IL13RA1: variants seen among roughly 807,000 people sequenced by gnomAD.
IL13RA1 encodes interleukin 13 receptor subunit alpha 1, also known as interleukin-13 receptor subunit alpha-1.
Under a neutral mutation model 33.8 loss-of-function variants are expected in IL13RA1, and 14 were observed. That is an observed-to-expected ratio of 0.41 (90% CI 0.27 to 0.65). The LOEUF is 0.65. Among genes scored for constraint, IL13RA1 ranks in the 30% least tolerant of loss-of-function variants. IL13RA1 has a pLI of 0.28. For missense variants in IL13RA1, 313 were observed against 327.0 expected (o/e 0.96, Z 0.33); for synonymous variants, 116 against 115.7 (o/e 1.00, Z -0.02).
chrX:118,795,647 G>A (rs1354372037), downstream of IL13RA1, among the ~76,000 whole-genome samples: 5 of 112,189 alleles, frequency 4.5e-5, no homozygotes, highest in African/African-American at 1.6e-4. Context: ...ATTTGTGTGA[G>A]ATCTATGGAA....
At chrX:118,801,088 C>G in the IL13RA1 span, among the ~76,000 whole-genome samples, 515 of 112,572 alleles carry the variant, frequency 4.6e-3, 5 homozygotes, top group African/African-American at 0.016. Context: ...TTGCTCCCAG[C>G]CAAGATGATT....
intron 1 of IL13RA1, among the ~76,000 whole-genome samples, chrX:118,739,080 G>C (rs111432564): frequency 1.7e-4 from 19 of 112,093 alleles, no homozygotes; most frequent in Admixed American, 5.7e-4. Flanking sequence ...GAACCACTGT[G>C]CCTGGCCTAT....
At chrX:118,737,603 T>G (rs777594750) in intron 1 of IL13RA1, among the ~76,000 whole-genome samples, 69 of 111,988 alleles carry the variant, frequency 6.2e-4, no homozygotes, top group African/African-American at 2.0e-3. Flanking sequence ...TGCAAACCAG[T>G]TAGAAGATCT....
At chrX:118,753,545 C>T (rs1036101876) in intron 4 of IL13RA1, among the ~76,000 whole-genome samples, 4 of 112,091 alleles carry the variant, frequency 3.6e-5, no homozygotes, top group South Asian at 3.6e-4. Flanking sequence ...CTTTTTTTTG[C>T]GATAGGGTCT....
intron 9 of IL13RA1, 119 bp downstream of exon 9, chrX:118,774,094 G>A: frequency 4.6e-6 from 2 of 434,731 alleles, no homozygotes; most frequent in Non-Finnish European, 8.0e-6. Flanking sequence ...GCCTGTAAGT[G>A]GCTTTCGGGA....
At chrX:118,762,545 C>G (rs1240400709) in intron 6 of IL13RA1, among the ~76,000 whole-genome samples, 2 of 111,980 alleles carry the variant, frequency 1.8e-5, no homozygotes, top group Admixed American at 1.9e-4. Flanking sequence ...GGCTATAATT[C>G]CAACTCCAGA....
chrX:118,731,123 A>G (rs1427768719), intron 1 of IL13RA1, among the ~76,000 whole-genome samples: 2 of 112,096 alleles, frequency 1.8e-5, no homozygotes, highest in Non-Finnish European at 3.8e-5. Flanking sequence ...TGAGGTTTAG[A>G]TACAGACATA....
intron 8 of IL13RA1, 28 bp from the exon 9 acceptor site, chrX:118,773,851 G>A: frequency 1.4e-6 from 1 of 691,795 alleles, no homozygotes. Context: ...TATTTCTCAA[G>A]TCTTTCTGTT....
downstream of IL13RA1, among the ~76,000 whole-genome samples, chrX:118,796,669 C>A (rs2018033619): frequency 9.0e-6 from 1 of 111,553 alleles, no homozygotes; most frequent in Non-Finnish European, 1.9e-5. Context: ...CCCCAAGTAG[C>A]TGAGACTAGG....
intron 9 of IL13RA1, among the ~76,000 whole-genome samples, chrX:118,774,205 A>G (rs1179005355): frequency 2.0e-5 from 2 of 101,319 alleles, no homozygotes. Flanking sequence ...GCTGGAGCGC[A>G]GTGGTGTGAT....
At chrX:118,750,533 A>C (rs2017459918) in intron 4 of IL13RA1, among the ~76,000 whole-genome samples, 1 of 111,391 alleles carries the variant, frequency 9.0e-6, no homozygotes, top group Non-Finnish European at 1.9e-5. Flanking sequence ...AGGATATCTC[A>C]GTTTTTTCCA....
chrX:118,750,113 C>G (rs752111878), intron 4 of IL13RA1, among the ~76,000 whole-genome samples: 1 of 111,233 alleles, frequency 9.0e-6, no homozygotes, highest in Admixed American at 9.6e-5. Flanking sequence ...AACCTCAGTC[C>G]TATTTCAACA....
intron 10 of IL13RA1, among the ~76,000 whole-genome samples, chrX:118,777,020 T>C (rs201343470): frequency 0.033 from 2,857 of 87,391 alleles, 39 homozygotes; most frequent in South Asian, 0.092. Flanking sequence ...TATATATATA[T>C]ACACACATAC....
At chrX:118,746,481 A>G (rs1475146539) in intron 2 of IL13RA1, among the ~76,000 whole-genome samples, 1 of 111,969 alleles carries the variant, frequency 8.9e-6, no homozygotes. Flanking sequence ...ATCTACTTCT[A>G]AGTGAATTTT....
intron 10 of IL13RA1, among the ~76,000 whole-genome samples, chrX:118,782,396 A>G (rs1005447764): frequency 4.5e-5 from 5 of 110,879 alleles, no homozygotes; most frequent in Non-Finnish European, 7.6e-5. Flanking sequence ...TTATTAGCTG[A>G]CAGGTATCTA....
chrX:118,750,230 C>T (rs1284145847), intron 4 of IL13RA1, among the ~76,000 whole-genome samples: 2 of 111,248 alleles, frequency 1.8e-5, no homozygotes, highest in Admixed American at 9.6e-5. Context: ...TTTATAGCCA[C>T]ACTCACCTCC....
chrX:118,783,626 C>A (rs192953837), intron 10 of IL13RA1, among the ~76,000 whole-genome samples: 1 of 110,464 alleles, frequency 9.1e-6, no homozygotes, highest in East Asian at 2.8e-4. Flanking sequence ...GTAGTGTTCA[C>A]CTCATTAAAA....
chrX:118,763,865 C>A (rs1252531935), intron 6 of IL13RA1, among the ~76,000 whole-genome samples: 1 of 109,484 alleles, frequency 9.1e-6, no homozygotes, highest in Admixed American at 9.8e-5. Context: ...AGAACACATA[C>A]ACTATGGAAG....
At chrX:118,758,400 A>G (rs1222593411) in intron 5 of IL13RA1, among the ~76,000 whole-genome samples, 158 bp downstream of exon 5, 1 of 112,355 alleles carries the variant, frequency 8.9e-6, no homozygotes, top group East Asian at 2.8e-4. Flanking sequence ...ATCCTTTTTA[A>G]AGAAGTAAAC....
Sources: gnomAD v4.1 joint callset for allele counts (sites outside exome capture counted in the v4.1 genomes callset) on GRCh38, gnomAD v4.1.1 for gene constraint, MANE v1.5 for transcripts, NCBI Gene and HGNC (gene_info 2026-07-23, HGNC 2026-07-21) for gene names.